Variants in PPM1A observed in about 807,000 individuals in gnomAD.
PPM1A encodes the protein protein phosphatase 1A.
In PPM1A, 7 loss-of-function variants were observed where a neutral mutation model predicts 35.0. The observed-to-expected ratio is 0.20, with a 90% confidence interval of 0.11 to 0.38. The LOEUF (loss-of-function observed/expected upper bound fraction) is 0.38, where lower values mean the gene tolerates loss of function less well. PPM1A is among the 10% of genes least tolerant of loss of function. The probability of loss-of-function intolerance (pLI) is 1.00; values close to 1 mark genes in which losing one functional copy is unlikely to be tolerated. For missense variants in PPM1A, 239 were observed against 467.8 expected, an observed-to-expected ratio of 0.51 and a Z score of 4.51; for synonymous variants, 153 against 167.3, an observed-to-expected ratio of 0.91 and a Z score of 0.66.
At chr14:60,264,291 C>T (rs545418530) in intron 1 of PPM1A, among the ~76,000 whole-genome samples, 9 of 152,032 alleles carry the variant, frequency 5.9e-5, no homozygotes, top group Non-Finnish European at 1.2e-4. Flanking sequence ...CTGAGAAGTT[C>T]GATCTCTGCC....
At chr14:60,276,931 T>TTTA in intron 1 of PPM1A, 1 of 653,538 alleles carries the variant, frequency 1.5e-6, no homozygotes, top group Non-Finnish European at 2.0e-6. Flanking sequence ...TAGTTTGGTT[T>TTTA]TTAAAAGGTA....
intron 3 of PPM1A, chr14:60,286,159 G>A (rs1158047800): frequency 3.0e-6 from 3 of 984,790 alleles, no homozygotes; most frequent in South Asian, 4.7e-5. Flanking sequence ...AATCTCTAGG[G>A]CCTTTTTTCA....
chr14:60,289,704 T>G lies in PPM1A; in HGVS notation c.953-102T>G. On this transcript the variant is annotated intron_variant, in intron 3 of 5. Transcript: ENST00000395076. This position sits in a 1 kb window ranked among gnomAD's most constrained non-coding sequence, Gnocchi z 4.1. ...GATACCAGATTAGAAAAATCTCAGA[T>G]GTGGTAAATGCCATCTTTAAAAAGC... The G allele has an allele frequency of 1.5e-6, 1 of 689,464 alleles. No homozygotes were observed. Among genetic ancestry groups the G allele is most frequent in the Non-Finnish European group, 2.5e-6 (1 of 407,290 alleles). The allele number at this position is 689,464 out of a possible 1,614,324, so 42.7% of individuals were successfully genotyped here. A position where few individuals can be genotyped will look rare whatever the true frequency, so the allele number is the denominator to read the frequency against.
At chr14:60,288,666 T>A in intron 3 of PPM1A, 2 of 489,160 alleles carry the variant, frequency 4.1e-6, no homozygotes, top group Non-Finnish European at 5.3e-6. Flanking sequence ...TTGAACCATT[T>A]AAAGAAATAT....
At chr14:60,279,746 A>G (rs948991651) in intron 1 of PPM1A, among the ~76,000 whole-genome samples, 1 of 152,140 alleles carries the variant, frequency 6.6e-6, no homozygotes. Context: ...GCCTTCCCCT[A>G]TTTACTAATG....
At chr14:60,245,764 T>A, upstream of PPM1A, 1 of 1,232,526 alleles carries the variant, frequency 8.1e-7, no homozygotes, top group Non-Finnish European at 1.1e-6. This position sits in a 1 kb window ranked among gnomAD's most constrained non-coding sequence, Gnocchi z 4.2. Context: ...TGTATTATGA[T>A]GTAGGGGAGG....
rs190403165 is a variant in PPM1A at position 60,297,641 on chromosome 14, A to T, written c.*5159A>T. 6.6e-6 allele frequency: 1 copy of T among 151,698 alleles called. No homozygotes were observed. Among genetic ancestry groups the T allele is most frequent in the Non-Finnish European group, 1.5e-5 (1 of 67,684 alleles). The allele number at this position is 151,698 out of a possible 1,614,324, so 9.4% of individuals were successfully genotyped here. ...TGATCCAGTATAAGACTATTTAGTA[A>T]CGTGCATTTGTATGGTACTATCTAA... is the stretch of plus-strand genomic sequence containing the variant. On this transcript the variant is annotated 3_prime_UTR_variant, in exon 6 of 6. Coordinates refer to ENST00000395076, the MANE Select transcript of PPM1A (RefSeq NM_021003.5).
chr14:60,254,919 T>C (rs941260159), intron 1 of PPM1A, among the ~76,000 whole-genome samples: 3 of 152,210 alleles, frequency 2.0e-5, no homozygotes, highest in Admixed American at 6.5e-5. Context: ...CATTAGTCTG[T>C]TATAACCAAA....
chr14:60,281,946 G>GTA (rs1185715816), intron 1 of PPM1A, among the ~76,000 whole-genome samples: 4 of 152,228 alleles, frequency 2.6e-5, no homozygotes, highest in East Asian at 1.9e-4. Flanking sequence ...ACTTCGTTAT[G>GTA]TATATATATA....
rs149135517 is a variant in PPM1A, at chr14:60,278,499, A to T, written c.-20-4185A>T. On this transcript the variant is annotated intron_variant, in intron 1 of 5. Coordinates refer to ENST00000395076, the MANE Select transcript of PPM1A (RefSeq NM_021003.5). ...CTTTCTGCTTCAAAGTCCAGGAAAC[A>T]CCACCTGCAGATACAGTTGTATCCC... Among the ~76,000 whole-genome samples the T allele has an allele frequency of 4.4e-3, 669 of 152,310 alleles. 3 individuals are homozygous for T. Among genetic ancestry groups the T allele is most frequent in the African/African-American group, 0.016 (646 of 41,580 alleles).
At chr14:60,252,919 C>A (rs188906176) in intron 1 of PPM1A, among the ~76,000 whole-genome samples, 1 of 152,122 alleles carries the variant, frequency 6.6e-6, no homozygotes, top group Non-Finnish European at 1.5e-5. Context: ...CCAGGCTTTT[C>A]TTTTGCTGAG....
Position 60,251,622 on chromosome 14 carries a change from T to A in PPM1A, c.-21+1945T>A, listed in dbSNP as rs185796131. Among the ~76,000 whole-genome samples, 1,030 of 152,354 alleles carry A rather than the reference T, an allele frequency of 6.8e-3. 17 individuals are homozygous for A. Among genetic ancestry groups the A allele is most frequent in the African/African-American group, 0.015 (612 of 41,580 alleles). ...GTTACTACATTTAAAAATTTTTTTT[T>A]ATCAATATTGTGTGTCTAGTCAACA... On this transcript the variant is annotated intron_variant, in intron 1 of 5. Coordinates refer to ENST00000395076, the MANE Select transcript of PPM1A (RefSeq NM_021003.5).
chr14:60,247,671 C>T (rs934942893), upstream of PPM1A, among the ~76,000 whole-genome samples: 7 of 140,000 alleles, frequency 5.0e-5, no homozygotes, highest in Non-Finnish European at 1.1e-4. Context: ...GGAAACAGAA[C>T]CTTCCCCAAA....
At chr14:60,263,490 C>A (rs1049541126) in intron 1 of PPM1A, among the ~76,000 whole-genome samples, 4 of 152,150 alleles carry the variant, frequency 2.6e-5, no homozygotes, top group African/African-American at 2.4e-5. Flanking sequence ...CTATTTAACT[C>A]ATCCTTTGAG....
intron 1 of PPM1A, among the ~76,000 whole-genome samples, chr14:60,266,144 C>T (rs1884352911): frequency 1.3e-5 from 2 of 152,064 alleles, no homozygotes; most frequent in Admixed American, 1.3e-4. Context: ...CAGGATTGGT[C>T]ATTGCTCCAT....
chr14:60,258,548 T>C (rs1304872179), intron 1 of PPM1A, among the ~76,000 whole-genome samples: 1 of 152,132 alleles, frequency 6.6e-6, no homozygotes, highest in Non-Finnish European at 1.5e-5. Context: ...AAGTCATTGA[T>C]GAACAGTAAT....
In PPM1A at chr14:60,282,940, C is replaced by T. The variant is rs773920259; in HGVS notation, c.237C>T (p.Ile79=). The T allele has an allele frequency of 1.4e-5, 23 of 1,614,204 alleles. No individual in the cohort carries two copies. The highest frequency in any genetic ancestry group is 1.4e-5 in the Non-Finnish European group (17 of 1,180,042). ...GCTGTGAGCATTTGTTAGATCACAT[C>T]ACCAATAACCAGGATTTTAAAGGGT... ...KYCCEHLLDH[I]TNNQDFKGSA... Residue 79 remains isoleucine, a synonymous_variant, in exon 2 of 6, where the codon ATC becomes ATT. Coordinates refer to ENST00000395076, the MANE Select transcript of PPM1A (RefSeq NM_021003.5). This position sits in a 1 kb window ranked among gnomAD's most constrained non-coding sequence, Gnocchi z 5.1.
chr14:60,287,798 T>C lies in PPM1A; in HGVS notation c.953-2008T>C, dbSNP rs1225317869. 5.1e-6 allele frequency: 5 copies of C among 983,018 alleles called. No individual in the cohort carries two copies. In the African/African-American group the frequency reaches 8.7e-5, roughly 17 times the overall value. The allele number at this position is 983,018 out of a possible 1,614,324, so 60.9% of individuals were successfully genotyped here. On this transcript the variant is annotated intron_variant, in intron 3 of 5. Transcript: ENST00000395076. The stretch of plus-strand genomic sequence containing the variant: ...TAATTTTGTGGTCCTTCTAAGCCAA[T>C]TTAAAATTATACTTTTGTGTATATA...
At chr14:60,264,534 G>C (rs1161405719) in intron 1 of PPM1A, among the ~76,000 whole-genome samples, 1 of 152,064 alleles carries the variant, frequency 6.6e-6, no homozygotes, top group Non-Finnish European at 1.5e-5. Flanking sequence ...TGCCATACTT[G>C]ATATTCTAAA....
Sources: allele counts gnomAD v4.1 joint callset (sites outside exome capture counted in the v4.1 genomes callset), GRCh38; gene constraint gnomAD v4.1.1; non-coding constraint Gnocchi (gnomAD v3.1); transcripts MANE v1.5; gene names NCBI Gene and HGNC (gene_info 2026-07-23, HGNC 2026-07-21).